Variants in PRELID2 observed in about 807,000 individuals in gnomAD.
PRELID2 encodes PRELI domain-containing protein 2.
A neutral mutation model predicts 28.4 loss-of-function variants in PRELID2; 25 were observed. The ratio of observed to expected loss-of-function variants is 0.88; its 90% confidence interval spans 0.64 to 1.23. The LOEUF (loss-of-function observed/expected upper bound fraction) is 1.23, where lower values mean the gene tolerates loss of function less well. Ranked by LOEUF, PRELID2 falls within the 50% of genes most tolerant of loss-of-function variation. PRELID2 has a pLI of 0.00. For missense variants in PRELID2, 201 were observed against 214.4 expected (o/e 0.94, Z 0.39); for synonymous variants, 76 against 71.6 (o/e 1.06, Z -0.31).
chr5:145,251,683 CA>C, the PRELID2 span, among the ~76,000 whole-genome samples: 1 of 152,098 alleles, frequency 6.6e-6, no homozygotes, highest in East Asian at 1.9e-4. Context: ...CCCTTTTCTG[CA>C]TTTTCTGTCT....
chr5:145,462,535 G>A, the PRELID2 span, among the ~76,000 whole-genome samples: 1 of 152,078 alleles, frequency 6.6e-6, no homozygotes, highest in Non-Finnish European at 1.5e-5. Context: ...TATTTCAAAT[G>A]GCATGCTGGA....
At chr5:145,683,949 A>G (rs1208767495) in intron 1 of PRELID2, among the ~76,000 whole-genome samples, 2 of 152,142 alleles carry the variant, frequency 1.3e-5, no homozygotes, top group Non-Finnish European at 2.9e-5. Flanking sequence ...TCAGGGATAT[A>G]CCAGGTTTGT....
At chr5:145,425,681 C>A in the PRELID2 span, among the ~76,000 whole-genome samples, 1 of 152,080 alleles carries the variant, frequency 6.6e-6, no homozygotes, top group Admixed American at 6.6e-5. Flanking sequence ...CTCATATTCT[C>A]ACTTATAAGG....
chr5:145,252,997 T>C, the PRELID2 span, among the ~76,000 whole-genome samples: 2 of 152,132 alleles, frequency 1.3e-5, no homozygotes, highest in Non-Finnish European at 2.9e-5. Flanking sequence ...GAAGGAAGCA[T>C]CTTAAGATTG....
At chr5:145,798,166 A>G (rs1752889095) in intron 4 of PRELID2, among the ~76,000 whole-genome samples, 1 of 152,088 alleles carries the variant, frequency 6.6e-6, no homozygotes, top group South Asian at 2.1e-4. Flanking sequence ...ATTTGAAATT[A>G]TTGAGTCAGG....
At chr5:145,675,440 A>AC (rs1754795447) in intron 1 of PRELID2, among the ~76,000 whole-genome samples, 1 of 152,264 alleles carries the variant, frequency 6.6e-6, no homozygotes, top group East Asian at 1.9e-4. Flanking sequence ...ACAAAACAGA[A>AC]CAAACCCATT....
intron 1 of PRELID2, among the ~76,000 whole-genome samples, chr5:145,616,874 T>C (rs890411961): frequency 6.6e-6 from 1 of 152,184 alleles, no homozygotes; most frequent in Non-Finnish European, 1.5e-5. Context: ...CTGGGAGCGC[T>C]ATGGGAGACT....
the PRELID2 span, among the ~76,000 whole-genome samples, chr5:145,331,093 T>G: frequency 6.6e-6 from 1 of 152,224 alleles, no homozygotes; most frequent in Non-Finnish European, 1.5e-5. Flanking sequence ...TTTAAATGAC[T>G]TTCTTAATCC....
At chr5:145,394,638 C>T in the PRELID2 span, among the ~76,000 whole-genome samples, 2 of 152,106 alleles carry the variant, frequency 1.3e-5, no homozygotes, top group Non-Finnish European at 2.9e-5. Flanking sequence ...ATAGTAAATA[C>T]TGGCACTAGG....
chr5:145,291,337 G>C, the PRELID2 span, among the ~76,000 whole-genome samples: 114 of 41,690 alleles, frequency 2.7e-3, no homozygotes, highest in African/African-American at 7.7e-3. Context: ...CTCTGTTTCA[G>C]AAAAAAAAAA....
the PRELID2 span, among the ~76,000 whole-genome samples, chr5:145,439,566 T>G: frequency 3.3e-5 from 5 of 152,070 alleles, no homozygotes; most frequent in African/African-American, 4.8e-5. Context: ...ATCCATTGTC[T>G]CAGACTCTGG....
intron 5 of PRELID2, among the ~76,000 whole-genome samples, chr5:145,792,727 A>G (rs1164161494): frequency 6.6e-6 from 1 of 151,644 alleles, no homozygotes; most frequent in East Asian, 1.9e-4. Flanking sequence ...TGAGGGAGAG[A>G]AAAAAAAACA....
intron 1 of PRELID2, among the ~76,000 whole-genome samples, chr5:145,730,113 T>C (rs1380136368): frequency 6.6e-6 from 1 of 152,084 alleles, no homozygotes; most frequent in Non-Finnish European, 1.5e-5. Context: ...TGGGTTTAGA[T>C]TATGGTGCGT....
chr5:145,686,309 G>A (rs1331299323), intron 1 of PRELID2, among the ~76,000 whole-genome samples: 2 of 152,038 alleles, frequency 1.3e-5, no homozygotes, highest in African/African-American at 4.8e-5. Context: ...TGGCTTATAA[G>A]GGGGATTTTC....
At chr5:145,612,485 T>C (rs1381615011) in intron 1 of PRELID2, among the ~76,000 whole-genome samples, 1 of 152,190 alleles carries the variant, frequency 6.6e-6, no homozygotes, top group Non-Finnish European at 1.5e-5. Context: ...CCATAGGTTA[T>C]TGGGGTACAG....
chr5:145,811,082 C>CA lies in PRELID2; in HGVS notation c.368+6811dup, dbSNP rs56978118. On this transcript the variant is annotated intron_variant, in intron 4 of 6. Coordinates refer to ENST00000683046, the MANE Select transcript of PRELID2 (RefSeq NM_205846.3). ...AAGGCACGTCTTACATGGCAGCAGGCAAAAAAAAAAAAAAAAAAAAAAAAA... is the reference window on the plus strand; with the variant it reads ...AAGGCACGTCTTACATGGCAGCAGGCAAAAAAAAAAAAAAAAAAAAAAAAAA... Among the ~76,000 whole-genome samples, 36 of 26,752 alleles carry CA rather than the reference C, an allele frequency of 1.3e-3. 10 individuals are homozygous for CA. Among genetic ancestry groups the CA allele is most frequent in the Non-Finnish European group, 1.7e-3 (25 of 14,784 alleles). The allele number at this position is 26,752 out of a possible 152,430, so 17.6% of individuals were successfully genotyped here.
At chr5:145,412,240 G>T in the PRELID2 span, among the ~76,000 whole-genome samples, 1 of 152,112 alleles carries the variant, frequency 6.6e-6, no homozygotes, top group South Asian at 2.1e-4. Flanking sequence ...GCATAACCAG[G>T]CTGCAATTTT....
At chr5:145,628,190 CAT>C (rs61687953) in intron 1 of PRELID2, among the ~76,000 whole-genome samples, 26,414 of 151,934 alleles carry the variant, frequency 0.17, 3,780 homozygotes, top group African/African-American at 0.38. Context: ...GTTAAGCATA[CAT>C]ATATATATCA....
At chr5:145,284,424 A>C in the PRELID2 span, among the ~76,000 whole-genome samples, 4 of 152,184 alleles carry the variant, frequency 2.6e-5, no homozygotes, top group Non-Finnish European at 5.9e-5. Flanking sequence ...TCTGTATGTT[A>C]AATTTCATCA....
Sources: gnomAD v4.1 joint callset for allele counts (sites outside exome capture counted in the v4.1 genomes callset) on GRCh38, gnomAD v4.1.1 for gene constraint, MANE v1.5 for transcripts, NCBI Gene and HGNC (gene_info 2026-07-23, HGNC 2026-07-21) for gene names.